The following WWOX variants were observed in gnomAD, a reference collection of about 807,000 sequenced individuals.
The protein encoded by WWOX is WW domain-containing oxidoreductase.
WWOX carries 69 observed loss-of-function variants against 46.2 expected under a neutral mutation model. The observed-to-expected ratio is 1.49, with a 90% CI of 1.23 to 1.82. WWOX has a LOEUF of 1.82. Among genes scored for constraint, WWOX ranks in the 40% most tolerant of loss-of-function variants. The pLI, the probability that WWOX is intolerant of heterozygous loss-of-function variation, is 0.00. For synonymous variants in WWOX, 359 were observed against 202.6 expected, an observed-to-expected ratio of 1.77 and a Z score of -6.56; for missense variants, 919 against 542.6, an observed-to-expected ratio of 1.69 and a Z score of -6.89.
intron 8 of WWOX, among the ~76,000 whole-genome samples, chr16:78,952,513 G>C (rs1408524267): frequency 6.6e-6 from 1 of 151,866 alleles, no homozygotes; most frequent in Non-Finnish European, 1.5e-5. Flanking sequence ...CTCCTGAGTA[G>C]CTGGGATTAC....
chr16:78,343,446 G>A lies in WWOX; in HGVS notation c.517-43414G>A, dbSNP rs1170162626. ...CTGTCAACAGGCACCATTTTTGGTGGGACCTGAAGATGTATATCCCTTGTT... is the reference window on the plus strand; with the variant it reads ...CTGTCAACAGGCACCATTTTTGGTGAGACCTGAAGATGTATATCCCTTGTT... On this transcript the variant is annotated intron_variant, in intron 5 of 8. Transcript: ENST00000566780. Among the ~76,000 whole-genome samples, 2 of 120,740 alleles carry A rather than the reference G, an allele frequency of 1.7e-5. 1 individual carries two copies. The highest frequency in any genetic ancestry group is 4.0e-5 in the Non-Finnish European group (2 of 50,510). The allele number at this position is 120,740 out of a possible 152,430, so 79.2% of individuals were successfully genotyped here.
Position 78,713,526 on chromosome 16 carries a change from A to T in WWOX, c.1056+280774A>T, listed in dbSNP as rs112128876. On this transcript the variant is annotated intron_variant, in intron 8 of 8. Coordinates refer to ENST00000566780, the MANE Select transcript of WWOX (RefSeq NM_016373.4). ...GATACAGCCTTTTAAAGGATGGTTAAGTTAAAATGAGGTTGCTTGGATGGT... is the reference window on the plus strand; with the variant it reads ...GATACAGCCTTTTAAAGGATGGTTATGTTAAAATGAGGTTGCTTGGATGGT... 1.1e-3 allele frequency among the ~76,000 whole-genome samples: 163 copies of T among 152,280 alleles called. 1 individual carries two copies. Among genetic ancestry groups the T allele is most frequent in the African/African-American group, 3.8e-3 (158 of 41,550 alleles).
intron 5 of WWOX, among the ~76,000 whole-genome samples, chr16:78,228,339 CTTTTTTTTTT>C (rs34322106): frequency 5.4e-5 from 6 of 111,322 alleles, no homozygotes; most frequent in South Asian, 3.0e-4. Context: ...CATATTCTCT[CTTTTTTTTTT>C]TTTTTTTTTT....
At chr16:79,164,596 C>T (rs1230350665) in intron 8 of WWOX, among the ~76,000 whole-genome samples, 3 of 152,120 alleles carry the variant, frequency 2.0e-5, no homozygotes, top group Non-Finnish European at 2.9e-5. Flanking sequence ...TGGAGACCTC[C>T]GGCTGACACC....
intron 8 of WWOX, among the ~76,000 whole-genome samples, chr16:78,748,667 G>C (rs1016092205): frequency 1.3e-5 from 2 of 152,188 alleles, no homozygotes; most frequent in Non-Finnish European, 2.9e-5. Context: ...AGGGAGATTA[G>C]GTAAAGTGCT....
chr16:78,244,297 T>C (rs913652549), intron 5 of WWOX, among the ~76,000 whole-genome samples: 2 of 152,222 alleles, frequency 1.3e-5, no homozygotes, highest in Non-Finnish European at 2.9e-5. Context: ...TGGTCAGTGT[T>C]TAATGTTAGG....
At chr16:78,366,921 G>C (rs563544215) in intron 5 of WWOX, among the ~76,000 whole-genome samples, 1 of 148,818 alleles carries the variant, frequency 6.7e-6, no homozygotes, top group Admixed American at 6.7e-5. Flanking sequence ...GGATGTAGGA[G>C]AGAAGTTGAA....
intron 5 of WWOX, among the ~76,000 whole-genome samples, chr16:78,286,366 G>A (rs1196497704): frequency 6.6e-6 from 1 of 152,190 alleles, no homozygotes; most frequent in Non-Finnish European, 1.5e-5. Flanking sequence ...AGCCCCAGAT[G>A]AGGTGGGGGT....
chr16:78,910,191 C>G (rs888564522), intron 8 of WWOX, among the ~76,000 whole-genome samples: 6 of 152,110 alleles, frequency 3.9e-5, no homozygotes, highest in African/African-American at 1.2e-4. Context: ...AGGTGACTTG[C>G]TTTAGCCAAA....
intron 8 of WWOX, among the ~76,000 whole-genome samples, chr16:78,839,020 A>G (rs1483664416): frequency 6.6e-6 from 1 of 152,098 alleles, no homozygotes; most frequent in African/African-American, 2.4e-5. Context: ...TGGTTGTGAA[A>G]TCGTACTAGA....
chr16:78,644,441 A>C (rs1257809080), intron 8 of WWOX, among the ~76,000 whole-genome samples: 7 of 151,894 alleles, frequency 4.6e-5, no homozygotes, highest in Non-Finnish European at 8.8e-5. Flanking sequence ...GCGTATTTTC[A>C]AACCAAAAAC....
At chr16:78,685,468 C>T (rs963765225) in intron 8 of WWOX, among the ~76,000 whole-genome samples, 7 of 152,282 alleles carry the variant, frequency 4.6e-5, no homozygotes, top group Middle Eastern at 3.4e-3. Context: ...TAAATCTTCA[C>T]CTAGCATGGG....
At chr16:78,367,169 C>A (rs549288376) in intron 5 of WWOX, among the ~76,000 whole-genome samples, 1 of 151,954 alleles carries the variant, frequency 6.6e-6, no homozygotes, top group South Asian at 2.1e-4. Context: ...TTAGTAGAGA[C>A]AGGGTTTCAC....
intron 8 of WWOX, among the ~76,000 whole-genome samples, chr16:78,834,371 G>A (rs1126340): frequency 0.23 from 34,535 of 152,036 alleles, 4,131 homozygotes; most frequent in Middle Eastern, 0.35. Context: ...CAGGATTGTC[G>A]TGCGTGTGTC....
At chr16:78,595,443 A>T (rs996489128) in intron 8 of WWOX, among the ~76,000 whole-genome samples, 5 of 152,170 alleles carry the variant, frequency 3.3e-5, no homozygotes, top group African/African-American at 1.2e-4. Flanking sequence ...TTGGGATCAT[A>T]CATTGACCAA....
chr16:78,662,879 G>A (rs2047249838), intron 8 of WWOX, among the ~76,000 whole-genome samples: 1 of 152,188 alleles, frequency 6.6e-6, no homozygotes, highest in African/African-American at 2.4e-5. Context: ...AGCTTGTAAC[G>A]TGGCAGCTGA....
intron 8 of WWOX, among the ~76,000 whole-genome samples, chr16:78,816,429 A>T (rs1428907354): frequency 6.6e-6 from 1 of 151,250 alleles, no homozygotes; most frequent in East Asian, 2.0e-4. Context: ...GAAAATAGAA[A>T]TGGAGGGCTT....
intron 8 of WWOX, among the ~76,000 whole-genome samples, chr16:78,915,756 A>T (rs1358700999): frequency 6.6e-6 from 1 of 152,096 alleles, no homozygotes; most frequent in East Asian, 1.9e-4. Flanking sequence ...ACATTTGCTT[A>T]TTGGAATCAC....
At chr16:78,476,345 C>CTGTT (rs2084348059) in intron 8 of WWOX, among the ~76,000 whole-genome samples, 1 of 151,326 alleles carries the variant, frequency 6.6e-6, no homozygotes, top group East Asian at 1.9e-4. Flanking sequence ...TCTCAGCAAA[C>CTGTT]TGTTGCAAGG....
Sources: gnomAD v4.1 joint callset for allele counts (sites outside exome capture counted in the v4.1 genomes callset) on GRCh38, gnomAD v4.1.1 for gene constraint, MANE v1.5 for transcripts, NCBI Gene and HGNC (gene_info 2026-07-23, HGNC 2026-07-21) for gene names.